Variants in PAX8 observed in about 807,000 individuals in gnomAD.
PAX8 encodes paired box 8.
PAX8 carries 15 observed loss-of-function variants against 52.4 expected under a neutral mutation model. That is an observed-to-expected ratio of 0.29 (90% CI 0.19 to 0.44). The LOEUF is 0.44. Ranked by LOEUF, PAX8 falls within the 20% of genes least tolerant of loss-of-function variation. The pLI, the probability that PAX8 is intolerant of heterozygous loss-of-function variation, is 1.00. For synonymous variants in PAX8, 284 were observed against 249.7 expected, an observed-to-expected ratio of 1.14 and a Z score of -1.29; for missense variants, 554 against 602.5, an observed-to-expected ratio of 0.92 and a Z score of 0.84.
intron 9 of PAX8, among the ~76,000 whole-genome samples, chr2:113,228,984 T>G (rs1383319483): frequency 6.6e-6 from 1 of 152,200 alleles, no homozygotes; most frequent in East Asian, 1.9e-4. Flanking sequence ...GAGTAAATAC[T>G]ATATTCTAGA....
intron 10 of PAX8, chr2:113,226,694 A>AG: frequency 1.8e-6 from 2 of 1,112,484 alleles, no homozygotes; most frequent in South Asian, 5.0e-5. Context: ...ATCATCATCA[A>AG]TACCCTTCAG....
At chr2:113,222,093 T>C (rs1689303714) in intron 10 of PAX8, among the ~76,000 whole-genome samples, 1 of 152,230 alleles carries the variant, frequency 6.6e-6, no homozygotes, top group Non-Finnish European at 1.5e-5. Context: ...GTAAAGACAT[T>C]TGGCCAAGGT....
chr2:113,229,879 A>T (rs919154247), intron 9 of PAX8, among the ~76,000 whole-genome samples: 6 of 152,122 alleles, frequency 3.9e-5, no homozygotes, highest in African/African-American at 1.4e-4. Flanking sequence ...TGATGGAAGA[A>T]GGTGGTGGCG....
chr2:113,221,013 G>A (rs2104415941), intron 10 of PAX8, among the ~76,000 whole-genome samples: 1 of 152,256 alleles, frequency 6.6e-6, no homozygotes, highest in South Asian at 2.1e-4. Context: ...GCTACTACCG[G>A]TGCTTGGTAA....
chr2:113,264,578 A>G (rs1222384691), intron 2 of PAX8, among the ~76,000 whole-genome samples: 4 of 152,198 alleles, frequency 2.6e-5, no homozygotes, highest in African/African-American at 9.6e-5. Flanking sequence ...CTCACTCCTT[A>G]TGTAGGATTT....
At chr2:113,243,506 T>G (rs1691048386) in intron 4 of PAX8, among the ~76,000 whole-genome samples, 2 of 152,114 alleles carry the variant, frequency 1.3e-5, no homozygotes, top group Non-Finnish European at 1.5e-5. Flanking sequence ...GTTTTCCTGC[T>G]TCAGTCTCCC....
chr2:113,239,518 G>A lies in PAX8; in HGVS notation c.777+2033C>T, dbSNP rs567237374. On this transcript the variant is annotated intron_variant, in intron 7 of 11. Coordinates refer to ENST00000429538, the MANE Select transcript of PAX8 (RefSeq NM_003466.4). The stretch of plus-strand genomic sequence containing the variant: ...CACGGAGTGTTACTTTGGCAGCACA[G>A]TCAGTTACCAGAGGTAGGAAAAGCA... 4.6e-5 allele frequency: 7 copies of A among 152,392 alleles called. No individual in the cohort carries two copies. The East Asian group carries it at 7.7e-4, about 17-fold the overall frequency. 9.4% of individuals were successfully genotyped at this position (152,392 alleles called of 1,614,324 possible). A position where few individuals can be genotyped will look rare whatever the true frequency, so the allele number is the denominator to read the frequency against.
chr2:113,252,020 T>G, intron 2 of PAX8, among the ~76,000 whole-genome samples: 1 of 152,366 alleles, frequency 6.6e-6, no homozygotes, highest in South Asian at 2.1e-4. Context: ...TGATTCTGCA[T>G]GGTGGGACCC....
At chr2:113,259,967 C>T (rs781364823) in intron 2 of PAX8, among the ~76,000 whole-genome samples, 2 of 152,182 alleles carry the variant, frequency 1.3e-5, no homozygotes, top group South Asian at 2.1e-4. Context: ...AGATGCTTAG[C>T]GACTGTACAA....
intron 2 of PAX8, among the ~76,000 whole-genome samples, chr2:113,253,310 A>T (rs899826776): frequency 6.6e-6 from 1 of 152,094 alleles, no homozygotes; most frequent in African/African-American, 2.4e-5. Flanking sequence ...TACCCATCTC[A>T]TGATGGCATC....
chr2:113,274,505 A>G (rs1320413599), intron 2 of PAX8: 1 of 152,138 alleles, frequency 6.6e-6, no homozygotes, highest in Non-Finnish European at 1.5e-5. Flanking sequence ...CTCTCCAGCT[A>G]CCTTCTCCCT....
chr2:113,267,398 C>T (rs1693157247), intron 2 of PAX8: 1 of 152,196 alleles, frequency 6.6e-6, no homozygotes, highest in South Asian at 2.1e-4. Context: ...TATGTGAAAA[C>T]AAGAATGCTG....
At chr2:113,243,267 C>T (rs902866197) in intron 4 of PAX8, among the ~76,000 whole-genome samples, 1 of 152,206 alleles carries the variant, frequency 6.6e-6, no homozygotes, top group Non-Finnish European at 1.5e-5. Flanking sequence ...TTTCCCATTG[C>T]TTTATGACCA....
chr2:113,268,662 A>T (rs1347640805), intron 2 of PAX8: 1 of 152,200 alleles, frequency 6.6e-6, no homozygotes, highest in Non-Finnish European at 1.5e-5. Context: ...GTGCTAGGAG[A>T]CCTTGGGGAG....
chr2:113,258,670 G>A (rs866363201), intron 2 of PAX8, among the ~76,000 whole-genome samples: 1 of 152,146 alleles, frequency 6.6e-6, no homozygotes, highest in Non-Finnish European at 1.5e-5. Context: ...TAATTTGTTT[G>A]CCCTAATCTC....
chr2:113,241,971 C>T lies in PAX8; in HGVS notation c.601+37G>A, dbSNP rs201771303. On this transcript the variant is annotated intron_variant, in intron 6 of 11. Coordinates refer to ENST00000429538, the MANE Select transcript of PAX8 (RefSeq NM_003466.4). ...CATCAAAGCCTGAGCAAACTGCTCT[C>T]GTGCACCGCCCGCTGCCCTCCTGTC... is the stretch of plus-strand genomic sequence containing the variant. The T allele has an allele frequency of 1.7e-4, 267 of 1,610,528 alleles. No homozygotes were observed. In the African/African-American group the frequency reaches 2.6e-3, roughly 16 times the overall value.
At chr2:113,274,623 T>G (rs930177766) in intron 2 of PAX8, 4 of 152,230 alleles carry the variant, frequency 2.6e-5, no homozygotes, top group African/African-American at 9.7e-5. Flanking sequence ...TGTGAATGAT[T>G]AAACTGTTTA....
chr2:113,220,289 G>C (rs759072581), intron 10 of PAX8, 111 bp from the exon 11 acceptor site: 5 of 741,018 alleles, frequency 6.7e-6, no homozygotes, highest in Middle Eastern at 3.5e-4. Context: ...AATGGTTGGG[G>C]AGACAGTTGG....
chr2:113,277,430 G>T (rs1227792079), intron 2 of PAX8, among the ~76,000 whole-genome samples: 2 of 152,168 alleles, frequency 1.3e-5, no homozygotes, highest in Admixed American at 1.3e-4. Flanking sequence ...TGCAGAGCGG[G>T]ACATCATATT....
Sources: allele counts gnomAD v4.1 joint callset (sites outside exome capture counted in the v4.1 genomes callset), GRCh38; gene constraint gnomAD v4.1.1; transcripts MANE v1.5; gene names NCBI Gene and HGNC (gene_info 2026-07-23, HGNC 2026-07-21).